The following DDR1 variants were observed in gnomAD, a reference collection of about 807,000 sequenced individuals.
The protein encoded by DDR1 is discoidin domain receptor tyrosine kinase 1, also known as epithelial discoidin domain-containing receptor 1.
In DDR1, 64 loss-of-function variants were observed where a neutral mutation model predicts 97.4. The observed-to-expected ratio is 0.66, with a 90% confidence interval of 0.54 to 0.81. The LOEUF (loss-of-function observed/expected upper bound fraction) is 0.81, where lower values mean the gene tolerates loss of function less well. Among genes scored for constraint, DDR1 ranks in the 30% least tolerant of loss-of-function variants. The pLI is 0.00. For missense variants in DDR1, 990 were observed against 1,259.6 expected (o/e 0.79, Z 3.24); for synonymous variants, 458 against 503.7 (o/e 0.91, Z 1.21).
rs774903575 is a variant in DDR1, at chr6:30,891,471, C to T, written c.657C>T (p.Thr219=). 9.9e-6 allele frequency: 16 copies of T among 1,612,042 alleles called. No individual in the cohort carries two copies. The Admixed American group carries it at 1.2e-4, about 12-fold the overall frequency. The change falls in exon 6 of 18, where the codon ACC becomes ACT. Residue 219 remains threonine, a synonymous_variant. Transcript: ENST00000376568. This position sits in a 1 kb window ranked among gnomAD's most constrained non-coding sequence, Gnocchi z 5.3. ...YLNDSTYDGH[T]VGGLQYGGLG... Reference sequence around the variant, plus strand: ...ACGACTCCACCTATGACGGACATACCGTGGGCGGGTAAGAAAGGCCCCTGC... The same window carrying T: ...ACGACTCCACCTATGACGGACATACTGTGGGCGGGTAAGAAAGGCCCCTGC...
rs898864615 is a variant in DDR1 at position 30,886,462 on chromosome 6, C to T, written c.-43+1752C>T. On this transcript the variant is annotated intron_variant, in intron 1 of 17. Transcript: ENST00000376568. The surrounding 1 kb of genome is among the most constrained non-coding windows in gnomAD (Gnocchi z 4.6). ...GTGCCCCCCACAACTCAGTCGTCCCCCTCAGCTGCTGCTTCAGAGCTCTGG... is the reference window on the plus strand; with the variant it reads ...GTGCCCCCCACAACTCAGTCGTCCCTCTCAGCTGCTGCTTCAGAGCTCTGG... Among the ~76,000 whole-genome samples, 3 of 152,168 alleles carry T rather than the reference C, an allele frequency of 2.0e-5. No homozygotes were observed. The highest frequency in any genetic ancestry group is 4.4e-5 in the Non-Finnish European group (3 of 68,020).
chr6:30,897,693 G>C lies in DDR1; in HGVS notation c.2216+96G>C. The C allele has an allele frequency of 9.9e-7, 1 of 1,014,320 alleles. No individual in the cohort carries two copies. The highest frequency in any genetic ancestry group is 1.4e-6 in the Non-Finnish European group (1 of 695,394). 62.8% of individuals were successfully genotyped at this position (1,014,320 alleles called of 1,614,324 possible). On this transcript the variant is annotated intron_variant, in intron 15 of 17. Transcript: ENST00000376568. The surrounding 1 kb of genome is among the most constrained non-coding windows in gnomAD (Gnocchi z 5.2). ...GCCTGGAGGAAAAGAGGGGAGCGTG[G>C]GGGTGGGAAGGGAGAGAGGTTCCAG...
In DDR1 at chr6:30,888,670, C is replaced by T. The variant is rs757201462; in HGVS notation, c.-42-18C>T. On this transcript the variant is annotated intron_variant, in intron 1 of 17. Transcript: ENST00000376568. The surrounding 1 kb of genome is among the most constrained non-coding windows in gnomAD (Gnocchi z 4.2). Reference sequence around the variant, plus strand: ...GTCCCCTGATTAACTTACGCACCACCCATTTTATCCCCTGCAGAGATGCTG... The same window carrying T: ...GTCCCCTGATTAACTTACGCACCACTCATTTTATCCCCTGCAGAGATGCTG... 2 of 1,602,330 alleles carry T rather than the reference C, an allele frequency of 1.2e-6. No individual in the cohort carries two copies. Among genetic ancestry groups the T allele is most frequent in the Non-Finnish European group, 1.7e-6 (2 of 1,174,852 alleles).
intron 1 of DDR1, chr6:30,885,714 T>C (rs1785528604): frequency 7.7e-7 from 1 of 1,301,156 alleles, no homozygotes; most frequent in Admixed American, 2.3e-5. Context: ...TGAGCTTCTG[T>C]GTTTGCTCTG....
At position 30,891,596 on chromosome 6, in the gene DDR1, G is replaced by A; in HGVS notation, c.665+117G>A. The A allele has an allele frequency of 1.3e-6, 1 of 753,824 alleles. No individual in the cohort carries two copies. Among genetic ancestry groups the A allele is most frequent in the Non-Finnish European group, 2.2e-6 (1 of 458,176 alleles). 46.7% of individuals were successfully genotyped at this position (753,824 alleles called of 1,614,324 possible). Reference sequence around the variant, plus strand: ...GTAGGGGGGCTGGTAAGTAGGGTGGGGAGTGAGATGGAAGAGCTGAGAAGA... The same window carrying A: ...GTAGGGGGGCTGGTAAGTAGGGTGGAGAGTGAGATGGAAGAGCTGAGAAGA... On this transcript the variant is annotated intron_variant, in intron 6 of 17. Coordinates refer to ENST00000376568, the MANE Select transcript of DDR1 (RefSeq NM_001297654.2). The surrounding 1 kb of genome is among the most constrained non-coding windows in gnomAD (Gnocchi z 5.3).
In DDR1 at chr6:30,893,080, A is replaced by T; in HGVS notation, c.1112A>T (p.Asn371Ile). 6.2e-7 allele frequency: 1 copy of T among 1,612,452 alleles called. No individual in the cohort carries two copies. The highest frequency in any genetic ancestry group is 1.1e-5 in the South Asian group (1 of 90,974). ...TCCTTCTCCCCAGATGTGGTGAACA[A>T]TTCCTCTCCGGCACTGGGAGGCACC... ...EISFISDVVN[N>I]SSPALGGTFP... Residue 371 changes from asparagine (N) to isoleucine (I), a missense_variant, in exon 9 of 18, where the codon AAT (asparagine) becomes ATT (isoleucine). Coordinates refer to ENST00000376568, the MANE Select transcript of DDR1 (RefSeq NM_001297654.2).
chr6:30,891,126 T>G lies in DDR1; in HGVS notation c.565+6T>G, dbSNP rs778795515. ...CTATGGCTGCCTCTGGAGGGGTGAG[T>G]GGCTCAGCTTCCTGGGAATCTGTTT... On this transcript the variant is annotated splice_donor_region_variant and intron_variant, in intron 5 of 17. Transcript: ENST00000376568. This position sits in a 1 kb window ranked among gnomAD's most constrained non-coding sequence, Gnocchi z 5.3. 6.2e-7 allele frequency: 1 copy of G among 1,612,606 alleles called. No individual in the cohort carries two copies. The highest frequency in any genetic ancestry group is 8.5e-7 in the Non-Finnish European group (1 of 1,179,914).
intron 8 of DDR1, 47 bp from the exon 9 acceptor site, chr6:30,893,021 C>G: frequency 6.6e-7 from 1 of 1,524,456 alleles, no homozygotes; most frequent in Non-Finnish European, 9.0e-7. Context: ...TCCCTTGGGT[C>G]TCCTCCTCAT....
At chr6:30,896,534 C>T in intron 12 of DDR1, 87 bp from the exon 13 acceptor site, 1 of 1,494,930 alleles carries the variant, frequency 6.7e-7, no homozygotes. Context: ...AGACACAGGG[C>T]CCTCCGGGAG....
At chr6:30,893,694 C>T (rs1789537635) in intron 10 of DDR1, among the ~76,000 whole-genome samples, 1 of 152,196 alleles carries the variant, frequency 6.6e-6, no homozygotes, top group Non-Finnish European at 1.5e-5. Flanking sequence ...AGACTTTGGT[C>T]CTGGGATGCA....
rs1314953600 is a variant in DDR1, at chr6:30,889,343, G to A, written c.330G>A (p.Leu110=). ...CCCAGGGACGGCATGCCGGGGGCCTGGGCAAGGAGTTCTCCCGGAGCTACC... is the reference window on the plus strand; with the variant it reads ...CCCAGGGACGGCATGCCGGGGGCCTAGGCAAGGAGTTCTCCCGGAGCTACC... The part of the protein sequence containing the change: ...VGTQGRHAGG[L]GKEFSRSYRL... The change falls in exon 4 of 18, where the codon CTG becomes CTA. Residue 110 remains leucine, a synonymous_variant. Coordinates refer to ENST00000376568, the MANE Select transcript of DDR1 (RefSeq NM_001297654.2). This position sits in a 1 kb window ranked among gnomAD's most constrained non-coding sequence, Gnocchi z 4.9. 5.6e-6 allele frequency: 9 copies of A among 1,611,994 alleles called. No homozygotes were observed. The highest frequency in any genetic ancestry group is 7.6e-6 in the Non-Finnish European group (9 of 1,179,484).
chr6:30,881,458 T>C (rs1784321724), upstream of DDR1: 1 of 152,590 alleles, frequency 6.6e-6, no homozygotes, highest in East Asian at 1.9e-4. Context: ...CATCTCCCCG[T>C]GTCCCTTAGC....
Position 30,900,040 on chromosome 6 carries a change from GTTTGTACA to G in DDR1, c.*748_*755del. On this transcript the variant is annotated 3_prime_UTR_variant, in exon 18 of 18. Coordinates refer to ENST00000376568, the MANE Select transcript of DDR1 (RefSeq NM_001297654.2). ...ATTGATTTTTCTATAATCACTTGGG[GTTTGTACA>G]TTTTTGGGGGGAGAGACACAGATTT... The G allele has an allele frequency of 1.7e-6, 1 of 596,336 alleles. No individual in the cohort carries two copies. Among genetic ancestry groups the G allele is most frequent in the Non-Finnish European group, 3.3e-6 (1 of 307,620 alleles). 36.9% of individuals were successfully genotyped at this position (596,336 alleles called of 1,614,324 possible). A position where few individuals can be genotyped will look rare whatever the true frequency, so the allele number is the denominator to read the frequency against.
At position 30,894,830 on chromosome 6, in the gene DDR1, T is replaced by G. The variant is rs1790089889; in HGVS notation, c.1513+159T>G. On this transcript the variant is annotated intron_variant, in intron 11 of 17. Transcript: ENST00000376568. This position sits in a 1 kb window ranked among gnomAD's most constrained non-coding sequence, Gnocchi z 5.7. ...TCTATATCACTCTTTGTCCCTACCATGTAGTCTCTCTCAAGAGTTCCCCAT... is the reference window on the plus strand; with the variant it reads ...TCTATATCACTCTTTGTCCCTACCAGGTAGTCTCTCTCAAGAGTTCCCCAT... Among the ~76,000 whole-genome samples, 1 of 152,180 alleles carries G rather than the reference T, an allele frequency of 6.6e-6. No individual in the cohort carries two copies. The highest frequency in any genetic ancestry group is 1.5e-5 in the Non-Finnish European group (1 of 68,020).
chr6:30,891,527 C>CTCTGTGTGTGTGTGTGTGTGTG lies in DDR1; in HGVS notation c.665+49_665+50insCTGTGTGTGTGTGTGTGTGTGT, dbSNP rs372584534. 5.0e-6 allele frequency: 4 copies of CTCTGTGTGTGTGTGTGTGTGTG among 798,212 alleles called. No homozygotes were observed. In the African/African-American group the frequency reaches 6.0e-5, roughly 12 times the overall value. The allele number at this position is 798,212 out of a possible 1,614,324, so 49.4% of individuals were successfully genotyped here. The stretch of plus-strand genomic sequence containing the variant: ...ATGGAGTTTGGGGTGGGAGGGAGGA[C>CTCTGTGTGTGTGTGTGTGTGTG]TGTGTGTGTGTGTGTGTGTGTGTGT... On this transcript the variant is annotated intron_variant, in intron 6 of 17. Transcript: ENST00000376568. This position sits in a 1 kb window ranked among gnomAD's most constrained non-coding sequence, Gnocchi z 5.3.
intron 1 of DDR1, chr6:30,885,411 G>A: frequency 1.2e-6 from 1 of 849,510 alleles, no homozygotes; most frequent in East Asian, 2.7e-5. Context: ...TGAGTGGAAA[G>A]GCAGGGAAAG....
rs1272258730 is a variant in DDR1, at chr6:30,888,863, G to A, written c.86-45G>A. 1 of 1,612,984 alleles carries A rather than the reference G, an allele frequency of 6.2e-7. No homozygotes were observed. The highest frequency in any genetic ancestry group is 1.7e-5 in the Admixed American group (1 of 60,012). ...CCTGAGGGCCAGGGCTTGGGAGGTA[G>A]AGAGTTGGGGGCCTTGACCTGTTAC... On this transcript the variant is annotated intron_variant, in intron 2 of 17. Coordinates refer to ENST00000376568, the MANE Select transcript of DDR1 (RefSeq NM_001297654.2). The surrounding 1 kb of genome is among the most constrained non-coding windows in gnomAD (Gnocchi z 4.2).
At position 30,893,061 on chromosome 6, in the gene DDR1, TC is replaced by T. The variant is rs752559723; in HGVS notation, c.1100-3del. 1.6e-5 allele frequency: 26 copies of T among 1,607,746 alleles called. 2 individuals carry two copies. Among genetic ancestry groups the T allele is most frequent in the Admixed American group, 1.5e-4 (9 of 59,258 alleles). On this transcript the variant is annotated splice_region_variant and splice_polypyrimidine_tract_variant and intron_variant, in intron 8 of 17. Transcript: ENST00000376568. Reference sequence around the variant, plus strand: ...CTCCCTCCTTTCTTTTTGTTCCTTCTCCCCAGATGTGGTGAACAATTCCTCT... The same window carrying T: ...CTCCCTCCTTTCTTTTTGTTCCTTCTCCCAGATGTGGTGAACAATTCCTCT...
Position 30,891,582 on chromosome 6 carries a change from G to A in DDR1, c.665+103G>A. 1 of 696,680 alleles carries A rather than the reference G, an allele frequency of 1.4e-6. No homozygotes were observed. Among genetic ancestry groups the A allele is most frequent in the Non-Finnish European group, 2.1e-6 (1 of 465,396 alleles). 43.2% of individuals were successfully genotyped at this position (696,680 alleles called of 1,614,324 possible). On this transcript the variant is annotated intron_variant, in intron 6 of 17. Transcript: ENST00000376568. This position sits in a 1 kb window ranked among gnomAD's most constrained non-coding sequence, Gnocchi z 5.3. ...GAGAGTGTGTGTGTGTAGGGGGGCT[G>A]GTAAGTAGGGTGGGGAGTGAGATGG...
Sources: gnomAD v4.1 joint callset for allele counts (sites outside exome capture counted in the v4.1 genomes callset) on GRCh38, gnomAD v4.1.1 for gene constraint, Gnocchi (gnomAD v3.1) non-coding constraint, MANE v1.5 for transcripts, NCBI Gene and HGNC (gene_info 2026-07-23, HGNC 2026-07-21) for gene names.